Variants in GRK5 observed in about 807,000 individuals in gnomAD.
GRK5 encodes the protein g protein-coupled receptor kinase GRK5.
GRK5 carries 40 observed loss-of-function variants against 78.4 expected under a neutral mutation model. The ratio of observed to expected loss-of-function variants is 0.51; its 90% confidence interval spans 0.40 to 0.66. GRK5 has a LOEUF of 0.66. Among genes scored for constraint, GRK5 ranks in the 30% least tolerant of loss-of-function variants. The probability of loss-of-function intolerance (pLI) is 0.00; values close to 1 mark genes in which losing one functional copy is unlikely to be tolerated. For missense variants in GRK5, 598 were observed against 759.9 expected (o/e 0.79, Z 2.50); for synonymous variants, 289 against 296.8 (o/e 0.97, Z 0.27).
chr10:119,437,150 C>T (rs1390726140), intron 9 of GRK5, among the ~76,000 whole-genome samples: 1 of 152,218 alleles, frequency 6.6e-6, no homozygotes, highest in Non-Finnish European at 1.5e-5. Context: ...ACCACTGCTC[C>T]CTCCAGTTGC....
At chr10:119,309,310 A>G (rs116693830) in intron 1 of GRK5, among the ~76,000 whole-genome samples, 99 of 152,334 alleles carry the variant, frequency 6.5e-4, no homozygotes, top group African/African-American at 2.4e-3. Flanking sequence ...CCACGTGCCA[A>G]GCACCAAGTA....
In GRK5 at chr10:119,430,118, A is replaced by C. The variant is rs557091251; in HGVS notation, c.534-257A>C. On this transcript the variant is annotated intron_variant, in intron 6 of 15. Transcript: ENST00000392870. This position sits in a 1 kb window ranked among gnomAD's most constrained non-coding sequence, Gnocchi z 4.5. ...GCACTCAGGTTTTTCAAGCTTTCTG[A>C]GCAAGCGAGGCTTGTGCATCCCCCA... 7.2e-5 allele frequency among the ~76,000 whole-genome samples: 11 copies of C among 152,216 alleles called. No individual in the cohort carries two copies. The highest frequency in any genetic ancestry group is 2.6e-4 in the African/African-American group (11 of 41,540).
At chr10:119,370,483 T>C (rs556268831) in intron 2 of GRK5, among the ~76,000 whole-genome samples, 2 of 152,324 alleles carry the variant, frequency 1.3e-5, no homozygotes, top group African/African-American at 4.8e-5. Flanking sequence ...CCATATGTCA[T>C]TTTTTATTCA....
chr10:119,419,264 T>G (rs926601472), intron 4 of GRK5, among the ~76,000 whole-genome samples: 1 of 152,230 alleles, frequency 6.6e-6, no homozygotes, highest in Non-Finnish European at 1.5e-5. Flanking sequence ...GTGCCTTGTT[T>G]CTTACACGGT....
chr10:119,393,963 CTGTG>C (rs1251141902), intron 3 of GRK5, among the ~76,000 whole-genome samples: 1 of 137,426 alleles, frequency 7.3e-6, no homozygotes, highest in Non-Finnish European at 1.6e-5. Context: ...GTGTGGGTGT[CTGTG>C]TGTAGGTGTG....
Position 119,326,545 on chromosome 10 carries a change from A to G in GRK5, c.82A>G (p.Lys28Glu), listed in dbSNP as rs1177966090. ...CGGAGGAAAGCGCAAAGGGAAAAGC[A>G]AGAAGTGGAAAGAAATCCTGAAGTT... ...GGGGKRKGKS[K>E]KWKEILKFPH... The change falls in exon 2 of 16, where the codon AAG becomes GAG. Residue 28 changes from lysine (K) to glutamate (E), a missense_variant. By Grantham distance (56) the Lys-to-Glu change is moderately conservative. Transcript: ENST00000392870. 2 of 1,614,190 alleles carry G rather than the reference A, an allele frequency of 1.2e-6. No homozygotes were observed. Among genetic ancestry groups the G allele is most frequent in the Non-Finnish European group, 1.7e-6 (2 of 1,179,992 alleles).
chr10:119,263,914 C>G (rs1849452480), intron 1 of GRK5, among the ~76,000 whole-genome samples: 1 of 152,008 alleles, frequency 6.6e-6, no homozygotes, highest in East Asian at 1.9e-4. Context: ...GGTGACAGAG[C>G]AAGACTCCGT....
chr10:119,245,482 A>G (rs1849092670), intron 1 of GRK5, among the ~76,000 whole-genome samples: 1 of 152,218 alleles, frequency 6.6e-6, no homozygotes, highest in African/African-American at 2.4e-5. Flanking sequence ...CACAACATGT[A>G]TGAACTTGTA....
chr10:119,395,578 T>C (rs1004071626), intron 3 of GRK5, among the ~76,000 whole-genome samples: 1 of 152,192 alleles, frequency 6.6e-6, no homozygotes, highest in African/African-American at 2.4e-5. Context: ...ATAAACAATT[T>C]GCAATTAGCT....
intron 1 of GRK5, among the ~76,000 whole-genome samples, chr10:119,295,079 A>G (rs764788453): frequency 6.6e-6 from 1 of 151,624 alleles, no homozygotes; most frequent in Non-Finnish European, 1.5e-5. Flanking sequence ...AGTCCCAGCT[A>G]CTCAGGAGGC....
intron 3 of GRK5, among the ~76,000 whole-genome samples, chr10:119,393,610 C>G (rs936995602): frequency 1.3e-5 from 2 of 152,232 alleles, no homozygotes; most frequent in African/African-American, 4.8e-5. Context: ...GCCGGACCAA[C>G]GGCGGGCTGT....
intron 4 of GRK5, among the ~76,000 whole-genome samples, chr10:119,410,304 G>A (rs922930073): frequency 3.3e-5 from 5 of 152,276 alleles, no homozygotes; most frequent in South Asian, 2.1e-4. Context: ...TTCTGCCAGC[G>A]TTTAAAGATA....
intron 5 of GRK5, among the ~76,000 whole-genome samples, 175 bp downstream of exon 5, chr10:119,423,441 C>G (rs781504651): frequency 4.1e-5 from 6 of 147,336 alleles, no homozygotes; most frequent in Non-Finnish European, 7.5e-5. Flanking sequence ...ATCAAGGTGC[C>G]AAGTCCAAAG....
At chr10:119,447,277 C>G (rs191003422) in intron 12 of GRK5, among the ~76,000 whole-genome samples, 1 of 152,198 alleles carries the variant, frequency 6.6e-6, no homozygotes, top group African/African-American at 2.4e-5. Flanking sequence ...TCTCCTACCT[C>G]AACCATCCCT....
At chr10:119,314,325 C>T (rs1396046424) in intron 1 of GRK5, among the ~76,000 whole-genome samples, 1 of 152,246 alleles carries the variant, frequency 6.6e-6, no homozygotes, top group Non-Finnish European at 1.5e-5. Flanking sequence ...ATCAGAGTGT[C>T]AGCCCTTTGA....
At chr10:119,381,932 C>T (rs570442335) in intron 3 of GRK5, among the ~76,000 whole-genome samples, 13 of 152,302 alleles carry the variant, frequency 8.5e-5, no homozygotes, top group African/African-American at 3.1e-4. Flanking sequence ...AACCAAATTG[C>T]CCACTGGACA....
At chr10:119,295,411 G>A (rs1322433131) in intron 1 of GRK5, among the ~76,000 whole-genome samples, 1 of 152,028 alleles carries the variant, frequency 6.6e-6, no homozygotes, top group African/African-American at 2.4e-5. Flanking sequence ...CCATGTGGAG[G>A]TCCATTAAAG....
intron 5 of GRK5, 151 bp from the exon 6 acceptor site, chr10:119,424,842 G>A (rs550041933): frequency 3.1e-6 from 2 of 643,126 alleles, no homozygotes; most frequent in Non-Finnish European, 5.7e-6. Context: ...ACAACCCTCA[G>A]TAGAATGGCA....
chr10:119,399,813 C>T (rs1852119404), intron 4 of GRK5, among the ~76,000 whole-genome samples: 1 of 152,232 alleles, frequency 6.6e-6, no homozygotes, highest in Non-Finnish European at 1.5e-5. Context: ...CTCACGCCCA[C>T]ACCTCCTTCT....
Sources: gnomAD v4.1 joint callset for allele counts (sites outside exome capture counted in the v4.1 genomes callset) on GRCh38, gnomAD v4.1.1 for gene constraint, Gnocchi (gnomAD v3.1) non-coding constraint, MANE v1.5 for transcripts, NCBI Gene and HGNC (gene_info 2026-07-23, HGNC 2026-07-21) for gene names.